Variants in AGBL4 observed in about 807,000 individuals in gnomAD.
AGBL4 encodes AGBL carboxypeptidase 4.
In AGBL4, 58 loss-of-function variants were observed where a neutral mutation model predicts 66.4. That is an observed-to-expected ratio of 0.87 (90% CI 0.71 to 1.09). The LOEUF (loss-of-function observed/expected upper bound fraction) is 1.09. Ranked by LOEUF, AGBL4 falls within the 50% of genes least tolerant of loss-of-function variation. The pLI, the probability that AGBL4 is intolerant of heterozygous loss-of-function variation, is 0.00. For synonymous variants in AGBL4, 234 were observed against 222.9 expected, an observed-to-expected ratio of 1.05 and a Z score of -0.44; for missense variants, 579 against 631.0, an observed-to-expected ratio of 0.92 and a Z score of 0.88.
chr1:49,305,784 G>T (rs2148452240), intron 3 of AGBL4, among the ~76,000 whole-genome samples: 1 of 151,816 alleles, frequency 6.6e-6, no homozygotes, highest in South Asian at 2.1e-4. Flanking sequence ...TCCACCTCCT[G>T]GGTTCAAGCA....
intron 3 of AGBL4, among the ~76,000 whole-genome samples, chr1:49,441,777 G>A (rs546520516): frequency 6.6e-6 from 1 of 152,310 alleles, no homozygotes; most frequent in Admixed American, 6.5e-5. Flanking sequence ...CCTCAGCAGA[G>A]AAGGATTTTA....
At chr1:49,037,213 A>AGGCCAATTTCTTGGCCAATTTCTT (rs1198758762) in intron 5 of AGBL4, among the ~76,000 whole-genome samples, 1 of 152,032 alleles carries the variant, frequency 6.6e-6, no homozygotes, top group Non-Finnish European at 1.5e-5. Context: ...AAGATCAGAG[A>AGGCCAATTTCTTGGCCAATTTCTT]GGCCAATTTC....
At chr1:48,564,600 C>T (rs1644446567) in intron 11 of AGBL4, among the ~76,000 whole-genome samples, 1 of 152,166 alleles carries the variant, frequency 6.6e-6, no homozygotes, top group Non-Finnish European at 1.5e-5. Context: ...TGAATGACTT[C>T]ATCTCTTAAC....
chr1:49,227,284 G>T (rs1649986218), intron 4 of AGBL4, among the ~76,000 whole-genome samples: 1 of 152,110 alleles, frequency 6.6e-6, no homozygotes, highest in Non-Finnish European at 1.5e-5. Flanking sequence ...CAATGGTGTT[G>T]ATACACAATA....
At chr1:48,678,988 T>C (rs368161684) in intron 6 of AGBL4, among the ~76,000 whole-genome samples, 4 of 152,382 alleles carry the variant, frequency 2.6e-5, no homozygotes, top group African/African-American at 9.6e-5. Flanking sequence ...AACTCTGCTC[T>C]CAACCCCTGC....
At chr1:48,907,923 G>A (rs1652768085) in intron 5 of AGBL4, among the ~76,000 whole-genome samples, 1 of 152,122 alleles carries the variant, frequency 6.6e-6, no homozygotes, top group Admixed American at 6.5e-5. Context: ...GGTAAAGAGA[G>A]AATTATTTGA....
intron 1 of AGBL4, among the ~76,000 whole-genome samples, chr1:49,873,085 T>A (rs1054835339): frequency 3.4e-4 from 52 of 151,648 alleles, no homozygotes; most frequent in South Asian, 6.3e-4. Context: ...GCAATGTATT[T>A]TATATATATA....
chr1:48,835,231 CT>C (rs1646647348), intron 6 of AGBL4, among the ~76,000 whole-genome samples: 1 of 152,134 alleles, frequency 6.6e-6, no homozygotes, highest in African/African-American at 2.4e-5. Flanking sequence ...CCAAAATTAT[CT>C]CTTAGAACCC....
chr1:49,891,258 G>GA (rs908276018), intron 1 of AGBL4, among the ~76,000 whole-genome samples: 17 of 152,144 alleles, frequency 1.1e-4, no homozygotes, highest in African/African-American at 4.1e-4. Flanking sequence ...ATGCAAAATG[G>GA]AAAAAAATAA....
intron 3 of AGBL4, among the ~76,000 whole-genome samples, chr1:49,365,451 A>C (rs1212146489): frequency 2.0e-5 from 3 of 151,846 alleles, no homozygotes; most frequent in Non-Finnish European, 4.4e-5. Flanking sequence ...CCTGGCATAG[A>C]TAGGATAGCT....
At chr1:48,755,374 G>A (rs1652386654) in intron 6 of AGBL4, among the ~76,000 whole-genome samples, 1 of 152,126 alleles carries the variant, frequency 6.6e-6, no homozygotes, top group Non-Finnish European at 1.5e-5. Flanking sequence ...CTGACCTGTT[G>A]GCCTCCCTCG....
chr1:49,561,964 C>A lies in AGBL4; in HGVS notation c.282+135349G>T, dbSNP rs539038927. ...TCCTATTTCTCCACATCCTCTCCAG[C>A]ACCTGTTGTTTCCTGACTTTTTAAT... On this transcript the variant is annotated intron_variant, in intron 3 of 13. Coordinates refer to ENST00000371839, the MANE Select transcript of AGBL4 (RefSeq NM_032785.4). Among the ~76,000 whole-genome samples, 3 of 152,032 alleles carry A rather than the reference C, an allele frequency of 2.0e-5. 1 individual carries two copies. Among genetic ancestry groups the A allele is most frequent in the Non-Finnish European group, 4.4e-5 (3 of 67,994 alleles).
intron 4 of AGBL4, among the ~76,000 whole-genome samples, chr1:49,155,140 C>A (rs1245930431): frequency 6.6e-6 from 1 of 152,094 alleles, no homozygotes; most frequent in Non-Finnish European, 1.5e-5. Flanking sequence ...GAGAAGAAAA[C>A]TATGATGCAA....
At chr1:49,336,897 A>G (rs898636714) in intron 3 of AGBL4, among the ~76,000 whole-genome samples, 2 of 152,172 alleles carry the variant, frequency 1.3e-5, no homozygotes, top group Non-Finnish European at 2.9e-5. Context: ...GGATGATAGT[A>G]TCTACCTCAT....
At chr1:49,061,989 T>G (rs1390760829) in intron 4 of AGBL4, among the ~76,000 whole-genome samples, 1 of 152,164 alleles carries the variant, frequency 6.6e-6, no homozygotes, top group Non-Finnish European at 1.5e-5. Context: ...GCGTTACTGC[T>G]TGAGCTCCAC....
Position 49,350,188 on chromosome 1 carries a change from T to TG in AGBL4, c.283-104325_283-104324insC, listed in dbSNP as rs199628998. On this transcript the variant is annotated intron_variant, in intron 3 of 13. Coordinates refer to ENST00000371839, the MANE Select transcript of AGBL4 (RefSeq NM_032785.4). The stretch of plus-strand genomic sequence containing the variant: ...ATTAAAATACTTCAATGAATATTTG[T>TG]TTTTTTTTTTGTTTTGTTTTGTTTT... Among the ~76,000 whole-genome samples the TG allele has an allele frequency of 1.6e-4, 19 of 118,318 alleles. No homozygotes were observed. The East Asian group carries it at 4.4e-3, about 28-fold the overall frequency. The allele number at this position is 118,318 out of a possible 152,430, so 77.6% of individuals were successfully genotyped here. A position where few individuals can be genotyped will look rare whatever the true frequency, so the allele number is the denominator to read the frequency against.
chr1:49,622,404 C>T (rs1033801738), intron 3 of AGBL4, among the ~76,000 whole-genome samples: 13 of 151,546 alleles, frequency 8.6e-5, no homozygotes, highest in African/African-American at 1.9e-4. Context: ...CCGAGGCGGG[C>T]GGATCACGAG....
chr1:49,982,685 G>A (rs1164464736), intron 1 of AGBL4, among the ~76,000 whole-genome samples: 3 of 152,114 alleles, frequency 2.0e-5, no homozygotes, highest in African/African-American at 4.8e-5. Flanking sequence ...CCTGGTGGCC[G>A]CCCATGAACC....
intron 3 of AGBL4, among the ~76,000 whole-genome samples, chr1:49,402,129 T>G (rs1366243569): frequency 5.3e-5 from 8 of 152,192 alleles, no homozygotes; most frequent in African/African-American, 1.7e-4. Flanking sequence ...AAACCAACTT[T>G]TTGTTTTATT....
Sources: allele counts gnomAD v4.1 joint callset (sites outside exome capture counted in the v4.1 genomes callset), GRCh38; gene constraint gnomAD v4.1.1; transcripts MANE v1.5; gene names NCBI Gene and HGNC (gene_info 2026-07-23, HGNC 2026-07-21).